The following DNAJC5B variants were observed in gnomAD, a reference collection of about 807,000 sequenced individuals.
The protein encoded by DNAJC5B is DnaJ heat shock protein family (Hsp40) member C5 beta.
In DNAJC5B, 23 loss-of-function variants were observed where a neutral mutation model predicts 24.7. That is an observed-to-expected ratio of 0.93 (90% CI 0.67 to 1.32). The LOEUF is 1.32. Among genes scored for constraint, DNAJC5B ranks in the 40% most tolerant of loss-of-function variants. The pLI is 0.00. For missense variants in DNAJC5B, 238 were observed against 240.8 expected, an observed-to-expected ratio of 0.99 and a Z score of 0.08; for synonymous variants, 101 against 90.1, an observed-to-expected ratio of 1.12 and a Z score of -0.68.
At chr8:66,085,617 C>T (rs544300347) in intron 5 of DNAJC5B, among the ~76,000 whole-genome samples, 5 of 152,010 alleles carry the variant, frequency 3.3e-5, no homozygotes, top group Non-Finnish European at 5.9e-5. Flanking sequence ...TTCTATGAAC[C>T]TATTCCTATA....
intron 5 of DNAJC5B, among the ~76,000 whole-genome samples, chr8:66,090,186 C>G (rs1350069907): frequency 1.3e-5 from 2 of 151,382 alleles, no homozygotes; most frequent in African/African-American, 4.9e-5. Context: ...CTTTACAGAC[C>G]ATCTTGAGAG....
At chr8:66,065,855 G>C (rs1031061861) in intron 3 of DNAJC5B, among the ~76,000 whole-genome samples, 7 of 152,040 alleles carry the variant, frequency 4.6e-5, no homozygotes, top group African/African-American at 1.7e-4. Flanking sequence ...TCAAAAGAGG[G>C]GCTTACGGGT....
Position 66,051,568 on chromosome 8 carries a change from C to A in DNAJC5B, c.21C>A (p.Asn7Lys), listed in dbSNP as rs779286295. 4.3e-6 allele frequency: 7 copies of A among 1,613,822 alleles called. No individual in the cohort carries two copies. In the African/African-American group the frequency reaches 9.3e-5, roughly 22 times the overall value. MACNIP[N>K]QRQRTLSTTG... ...AGAAAATGGCATGTAACATACCTAA[C>A]CAAAGACAGCGGACTCTGTCAACAA... Residue 7 changes from asparagine (N) to lysine (K), a missense_variant, in exon 3 of 6, where the codon AAC (asparagine) becomes AAA (lysine). Coordinates refer to ENST00000276570, the MANE Select transcript of DNAJC5B (RefSeq NM_033105.6).
chr8:66,086,511 G>A (rs956187185), intron 5 of DNAJC5B, among the ~76,000 whole-genome samples: 18 of 152,162 alleles, frequency 1.2e-4, no homozygotes, highest in African/African-American at 4.3e-4. Context: ...GGAACTATTA[G>A]CTACCTTTAC....
chr8:66,035,008 C>A (rs1408459337), intron 1 of DNAJC5B, among the ~76,000 whole-genome samples: 1 of 152,230 alleles, frequency 6.6e-6, no homozygotes, highest in Admixed American at 6.5e-5. Context: ...TAAATAACTC[C>A]TTTTAGCTAT....
upstream of DNAJC5B, among the ~76,000 whole-genome samples, chr8:66,017,076 G>T (rs1805973924): frequency 6.6e-6 from 1 of 151,952 alleles, no homozygotes; most frequent in Non-Finnish European, 1.5e-5. Context: ...CACATAGAAA[G>T]GGCAGGCATT....
At chr8:66,087,296 A>G (rs1054391723) in intron 5 of DNAJC5B, among the ~76,000 whole-genome samples, 2 of 152,140 alleles carry the variant, frequency 1.3e-5, no homozygotes. Context: ...TGAGAATGGG[A>G]TGAGGGAAAC....
rs986390494 is a variant in DNAJC5B, at chr8:66,027,589, G to A, written c.-142+5884G>A. 1.5e-4 allele frequency among the ~76,000 whole-genome samples: 23 copies of A among 152,172 alleles called. 1 individual carries two copies. The highest frequency in any genetic ancestry group is 1.5e-5 in the Non-Finnish European group (1 of 68,028). On this transcript the variant is annotated intron_variant, in intron 1 of 5. Transcript: ENST00000276570. Reference sequence around the variant, plus strand: ...TTGTTGTCACAAAAGGTGGTCTCAGGAAAACAGACGTTTTAGCCAGTTGAG... The same window carrying A: ...TTGTTGTCACAAAAGGTGGTCTCAGAAAAACAGACGTTTTAGCCAGTTGAG...
upstream of DNAJC5B, among the ~76,000 whole-genome samples, chr8:66,020,865 T>C (rs751272881): frequency 6.6e-6 from 1 of 152,138 alleles, no homozygotes; most frequent in Non-Finnish European, 1.5e-5. Context: ...CTCAAACTCC[T>C]GGGCTCAAGT....
At chr8:66,091,700 C>A (rs1346777297) in intron 5 of DNAJC5B, among the ~76,000 whole-genome samples, 2 of 152,084 alleles carry the variant, frequency 1.3e-5, no homozygotes, top group Non-Finnish European at 2.9e-5. Flanking sequence ...TAGCTGGAAT[C>A]CCCATCCCCA....
chr8:66,070,096 C>A (rs1807313142), intron 3 of DNAJC5B, among the ~76,000 whole-genome samples: 1 of 152,154 alleles, frequency 6.6e-6, no homozygotes, highest in African/African-American at 2.4e-5. Flanking sequence ...GACCCACAGC[C>A]AATATCATAC....
At chr8:66,064,690 T>G (rs1197136374) in intron 3 of DNAJC5B, among the ~76,000 whole-genome samples, 1 of 152,224 alleles carries the variant, frequency 6.6e-6, no homozygotes, top group Admixed American at 6.5e-5. Flanking sequence ...CTGAGTGAGC[T>G]GTGGGCTGGT....
intron 1 of DNAJC5B, among the ~76,000 whole-genome samples, chr8:66,037,038 C>G (rs1806503456): frequency 6.6e-6 from 1 of 152,180 alleles, no homozygotes; most frequent in Non-Finnish European, 1.5e-5. Flanking sequence ...CTGGGCTCAT[C>G]CTTTTAAACT....
rs76928007 is a variant in DNAJC5B, at chr8:66,089,867, G to A, written c.505+9319G>A. On this transcript the variant is annotated intron_variant, in intron 5 of 5. Coordinates refer to ENST00000276570, the MANE Select transcript of DNAJC5B (RefSeq NM_033105.6). ...AGATTCCTATGTCTTTCTTAAAATA[G>A]AAATATACTCCCAATGAGATCCCAG... Among the ~76,000 whole-genome samples, 1,486 of 152,210 alleles carry A rather than the reference G, an allele frequency of 9.8e-3. 20 individuals carry two copies. Among genetic ancestry groups the A allele is most frequent in the African/African-American group, 0.03 (1,228 of 41,552 alleles).
intron 3 of DNAJC5B, chr8:66,057,149 A>T (rs1806984041): frequency 1.3e-5 from 2 of 152,202 alleles, no homozygotes; most frequent in Non-Finnish European, 2.9e-5. Context: ...AAAATAAATA[A>T]ATAAATAAAG....
intron 3 of DNAJC5B, among the ~76,000 whole-genome samples, chr8:66,065,088 A>G (rs760854715): frequency 1.3e-5 from 2 of 152,266 alleles, no homozygotes; most frequent in Non-Finnish European, 2.9e-5. Flanking sequence ...ATTGAGACAC[A>G]GTGGTTTCAC....
In DNAJC5B at chr8:66,100,175, A is replaced by G; in HGVS notation, c.*144A>G. On this transcript the variant is annotated 3_prime_UTR_variant, in exon 6 of 6. Coordinates refer to ENST00000276570, the MANE Select transcript of DNAJC5B (RefSeq NM_033105.6). ...TTTGGGTTAGGAAAACATGATTGCT[A>G]TATAATTTTCTCAGTATGCAGACTT... 1 of 647,078 alleles carries G rather than the reference A, an allele frequency of 1.5e-6. No individual in the cohort carries two copies. Among genetic ancestry groups the G allele is most frequent in the South Asian group, 2.3e-5 (1 of 43,680 alleles). The allele number at this position is 647,078 out of a possible 1,614,324, so 40.1% of individuals were successfully genotyped here. A position where few individuals can be genotyped will look rare whatever the true frequency, so the allele number is the denominator to read the frequency against.
At chr8:66,041,357 G>A (rs553175217) in intron 1 of DNAJC5B, among the ~76,000 whole-genome samples, 1 of 152,282 alleles carries the variant, frequency 6.6e-6, no homozygotes, top group Non-Finnish European at 1.5e-5. Flanking sequence ...AGATAGCTTG[G>A]GTTGAATATT....
intron 3 of DNAJC5B, among the ~76,000 whole-genome samples, chr8:66,053,415 TG>T (rs1806894542): frequency 6.6e-6 from 1 of 152,192 alleles, no homozygotes; most frequent in African/African-American, 2.4e-5. Context: ...ATGATTAAAC[TG>T]TTTTCCAACT....
Sources: gnomAD v4.1 joint callset for allele counts (sites outside exome capture counted in the v4.1 genomes callset) on GRCh38, gnomAD v4.1.1 for gene constraint, MANE v1.5 for transcripts, NCBI Gene and HGNC (gene_info 2026-07-23, HGNC 2026-07-21) for gene names.